The following AUH variants were observed in gnomAD, a reference collection of about 807,000 sequenced individuals.
AUH encodes the protein methylglutaconyl-CoA hydratase, mitochondrial.
Under a neutral mutation model 42.3 loss-of-function variants are expected in AUH, and 29 were observed. The ratio of observed to expected loss-of-function variants is 0.69; its 90% confidence interval spans 0.51 to 0.93. The LOEUF (loss-of-function observed/expected upper bound fraction) is 0.93, where lower values mean the gene tolerates loss of function less well. Among genes scored for constraint, AUH ranks in the 40% least tolerant of loss-of-function variants. AUH has a pLI of 0.00. For synonymous variants in AUH, 174 were observed against 166.4 expected, an observed-to-expected ratio of 1.05 and a Z score of -0.35; for missense variants, 452 against 438.1, an observed-to-expected ratio of 1.03 and a Z score of -0.28.
At chr9:91,289,051 GTGA>G (rs1166989650) in intron 6 of AUH, among the ~76,000 whole-genome samples, 2 of 152,086 alleles carry the variant, frequency 1.3e-5, no homozygotes, top group Non-Finnish European at 2.9e-5. Flanking sequence ...AAGGCCAGAA[GTGA>G]TGATATGACA....
intron 3 of AUH, among the ~76,000 whole-genome samples, chr9:91,348,600 T>A (rs1273646600): frequency 6.6e-6 from 1 of 152,102 alleles, no homozygotes; most frequent in African/African-American, 2.4e-5. Flanking sequence ...TAGTGAAACA[T>A]GAATATGGAT....
At chr9:91,216,188 C>G in intron 8 of AUH, 82 bp from the exon 9 acceptor site, 1 of 1,339,636 alleles carries the variant, frequency 7.5e-7, no homozygotes, top group Non-Finnish European at 1.1e-6. Flanking sequence ...AATTGAATAA[C>G]CTTATCCCCA....
intron 6 of AUH, among the ~76,000 whole-genome samples, chr9:91,243,121 A>C (rs1828609693): frequency 6.6e-6 from 1 of 152,230 alleles, no homozygotes; most frequent in South Asian, 2.1e-4. Flanking sequence ...CTGAAGGCTC[A>C]GAGCAGTAAG....
intron 6 of AUH, among the ~76,000 whole-genome samples, chr9:91,249,729 TG>T (rs1829018389): frequency 6.6e-6 from 1 of 152,244 alleles, no homozygotes; most frequent in Admixed American, 6.5e-5. Context: ...TCAGGGGTTC[TG>T]GCCGGGTGCA....
chr9:91,350,257 A>T (rs1399972830), intron 3 of AUH, among the ~76,000 whole-genome samples: 2 of 152,244 alleles, frequency 1.3e-5, no homozygotes, highest in African/African-American at 2.4e-5. Flanking sequence ...ATAAAATTTT[A>T]AGAACTTTAA....
At chr9:91,310,094 C>A (rs533440255) in intron 4 of AUH, among the ~76,000 whole-genome samples, 1 of 152,304 alleles carries the variant, frequency 6.6e-6, no homozygotes, top group Admixed American at 6.5e-5. Context: ...ACTACCTTCA[C>A]ATATCAAACT....
At chr9:91,274,855 T>C (rs1017824884) in intron 6 of AUH, among the ~76,000 whole-genome samples, 1 of 152,216 alleles carries the variant, frequency 6.6e-6, no homozygotes, top group Non-Finnish European at 1.5e-5. Flanking sequence ...GAAGGCTATA[T>C]GACCAATCCT....
intron 6 of AUH, among the ~76,000 whole-genome samples, chr9:91,228,565 CTGATT>C (rs1291221054): frequency 1.4e-5 from 2 of 146,466 alleles, no homozygotes; most frequent in African/African-American, 5.1e-5. Context: ...CAGTTCTGCT[CTGATT>C]TTAGTTATTT....
At chr9:91,268,395 C>CCA (rs1290405318) in intron 6 of AUH, among the ~76,000 whole-genome samples, 2 of 151,890 alleles carry the variant, frequency 1.3e-5, no homozygotes, top group East Asian at 3.9e-4. Context: ...AGTGCAAGGA[C>CCA]CACACACACA....
chr9:91,356,440 A>G (rs1232465702), intron 1 of AUH, among the ~76,000 whole-genome samples: 1 of 152,250 alleles, frequency 6.6e-6, no homozygotes, highest in Non-Finnish European at 1.5e-5. Context: ...AGTAGATACC[A>G]AAGTAACCGC....
At chr9:91,289,791 G>A (rs1001315167) in intron 6 of AUH, among the ~76,000 whole-genome samples, 2 of 152,156 alleles carry the variant, frequency 1.3e-5, no homozygotes, top group African/African-American at 4.8e-5. Context: ...GGATGGAGCA[G>A]AAGAAGATTT....
intron 6 of AUH, among the ~76,000 whole-genome samples, chr9:91,280,625 T>C (rs1489727745): frequency 6.6e-6 from 1 of 151,340 alleles, no homozygotes; most frequent in African/African-American, 2.5e-5. Flanking sequence ...ATACTCATAT[T>C]ATTAATTCTC....
intron 1 of AUH, 34 bp downstream of exon 1, chr9:91,361,594 G>A (rs751762752): frequency 1.9e-6 from 3 of 1,561,432 alleles, no homozygotes; most frequent in Middle Eastern, 1.8e-4. Flanking sequence ...GCGGCCGCCC[G>A]CTGCCCCGCG....
intron 6 of AUH, among the ~76,000 whole-genome samples, chr9:91,244,675 A>G (rs1276534857): frequency 6.6e-6 from 1 of 152,170 alleles, no homozygotes; most frequent in Non-Finnish European, 1.5e-5. Flanking sequence ...TGAGGGTTCT[A>G]AACCCACAAT....
intron 6 of AUH, among the ~76,000 whole-genome samples, chr9:91,233,445 G>C (rs1828003243): frequency 6.6e-6 from 1 of 152,106 alleles, no homozygotes; most frequent in Admixed American, 6.5e-5. Context: ...ACTCTGAGGG[G>C]GACAAGAAGC....
intron 6 of AUH, among the ~76,000 whole-genome samples, chr9:91,224,114 T>C (rs1423030838): frequency 6.6e-6 from 1 of 152,204 alleles, no homozygotes; most frequent in African/African-American, 2.4e-5. Flanking sequence ...TTGGCAATAC[T>C]TGTCGTGACA....
intron 3 of AUH, among the ~76,000 whole-genome samples, chr9:91,349,273 C>T (rs1324827826): frequency 6.6e-6 from 1 of 152,176 alleles, no homozygotes; most frequent in African/African-American, 2.4e-5. Context: ...ACTACCTTTA[C>T]TTTTTTATAA....
chr9:91,258,482 G>A (rs1352271787), intron 6 of AUH, among the ~76,000 whole-genome samples: 5 of 152,110 alleles, frequency 3.3e-5, no homozygotes, highest in Non-Finnish European at 7.4e-5. Context: ...TGATCCACCC[G>A]CCATGGCCTC....
Position 91,361,732 on chromosome 9 carries a change from C to T in AUH, c.158G>A (p.Gly53Asp). The change falls in exon 1 of 10, where the codon GGC (glycine) becomes GAC (aspartate). Residue 53 changes from glycine to aspartate, a missense_variant. Gly to Asp is a moderately conservative substitution (Grantham distance 94). Transcript: ENST00000375731. ...GGGACCCCCGGCCGCAGGTACCCAG[C>T]CCTGGGCCCAGATCGCCGGGCCCGC... Reference protein sequence around the residue: ...RRAGPAIWAQGWVPAAGGPAP... With the variant: ...RRAGPAIWAQDWVPAAGGPAP... 6.5e-7 allele frequency: 1 copy of T among 1,548,220 alleles called. No homozygotes were observed. Among genetic ancestry groups the T allele is most frequent in the Non-Finnish European group, 8.7e-7 (1 of 1,146,466 alleles).
Sources: gnomAD v4.1 joint callset for allele counts (sites outside exome capture counted in the v4.1 genomes callset) on GRCh38, gnomAD v4.1.1 for gene constraint, MANE v1.5 for transcripts, NCBI Gene and HGNC (gene_info 2026-07-23, HGNC 2026-07-21) for gene names.